BLTP1: variants seen among roughly 807,000 people sequenced by gnomAD.
BLTP1 encodes the protein fragile site-associated protein.
At chr4:122,302,328 T>C in the BLTP1 span, 3 of 801,396 alleles carry the variant, frequency 3.7e-6, no homozygotes, top group Non-Finnish European at 4.5e-6. Flanking sequence ...TTCGCTTTAT[T>C]GTGTTTCACA....
chr4:122,239,012 T>A, the BLTP1 span, among the ~76,000 whole-genome samples: 1 of 152,176 alleles, frequency 6.6e-6, no homozygotes, highest in Non-Finnish European at 1.5e-5. Flanking sequence ...TCTGCTTGGA[T>A]GTTTCATGGA....
chr4:122,227,370 A>G, the BLTP1 span: 1 of 985,402 alleles, frequency 1.0e-6, no homozygotes, highest in East Asian at 1.1e-4. Context: ...GGTAATCCCT[A>G]AAACCATGTG....
the BLTP1 span, chr4:122,353,198 GT>G: frequency 6.3e-7 from 1 of 1,596,606 alleles, no homozygotes. This position sits in a 1 kb window ranked among gnomAD's most constrained non-coding sequence, Gnocchi z 4.3. Flanking sequence ...CCTATCTTCT[GT>G]TATGACTATA....
the BLTP1 span, chr4:122,220,588 T>C: frequency 4.4e-5 from 36 of 815,832 alleles, no homozygotes; most frequent in Non-Finnish European, 3.0e-5. Context: ...TGGAGACTTT[T>C]AAGTTAACTG....
chr4:122,362,376 G>GTAAGT, the BLTP1 span: 1 of 727,122 alleles, frequency 1.4e-6, no homozygotes, highest in Non-Finnish European at 2.2e-6. Context: ...TTAAAAGTTT[G>GTAAGT]TAAGTTAACC....
chr4:122,281,873 A>G, the BLTP1 span: 99 of 1,332,284 alleles, frequency 7.4e-5, no homozygotes, highest in South Asian at 1.7e-3. Context: ...TATAGATATT[A>G]TAAGTAATTT....
chr4:122,208,603 T>A, the BLTP1 span: 5 of 977,514 alleles, frequency 5.1e-6, no homozygotes, highest in South Asian at 4.7e-5. Flanking sequence ...TTAAAAAAAA[T>A]ATCTGTGGAT....
At chr4:122,313,198 C>G in the BLTP1 span, among the ~76,000 whole-genome samples, 1 of 152,070 alleles carries the variant, frequency 6.6e-6, no homozygotes, top group Non-Finnish European at 1.5e-5. Flanking sequence ...TGTGTCTGAC[C>G]TAATGTGGCA....
At chr4:122,267,424 T>A in the BLTP1 span, among the ~76,000 whole-genome samples, 1 of 152,158 alleles carries the variant, frequency 6.6e-6, no homozygotes, top group Non-Finnish European at 1.5e-5. Context: ...TAGCCACATT[T>A]TCTTATTAAT....
chr4:122,300,861 C>T, the BLTP1 span: 1 of 924,870 alleles, frequency 1.1e-6, no homozygotes, highest in Admixed American at 6.4e-5. Flanking sequence ...GAAGTGGAAA[C>T]AGAAGTAAGA....
the BLTP1 span, among the ~76,000 whole-genome samples, chr4:122,160,907 C>T: frequency 6.6e-6 from 1 of 152,094 alleles, no homozygotes; most frequent in Admixed American, 6.5e-5. Flanking sequence ...GTTACATATG[C>T]GCAGAGACCA....
chr4:122,226,747 A>G, the BLTP1 span: 1 of 1,613,500 alleles, frequency 6.2e-7, no homozygotes, highest in South Asian at 1.1e-5. Context: ...TTTGTTTTTC[A>G]TGTGGTATGT....
the BLTP1 span, chr4:122,288,561 A>C: frequency 3.3e-5 from 5 of 152,210 alleles, 1 homozygote; most frequent in Admixed American, 2.6e-4. Flanking sequence ...CTGAGGCAGG[A>C]GAATCGCTTG....
chr4:122,339,183 C>G, the BLTP1 span: 4 of 1,604,946 alleles, frequency 2.5e-6, no homozygotes, highest in Non-Finnish European at 3.4e-6. Context: ...TTCCTAGAAA[C>G]CTTTTGCTGT....
At chr4:122,336,196 A>G in the BLTP1 span, 2 of 1,585,782 alleles carry the variant, frequency 1.3e-6, no homozygotes, top group Non-Finnish European at 1.7e-6. Flanking sequence ...TTCTAGCCAA[A>G]GGAAAAGGAA....
chr4:122,331,563 G>C, the BLTP1 span: 3 of 1,602,646 alleles, frequency 1.9e-6, no homozygotes, highest in Non-Finnish European at 1.7e-6. Flanking sequence ...ATTGGAAAAG[G>C]ATACATGAAA....
the BLTP1 span, chr4:122,254,859 C>T: frequency 1.2e-6 from 2 of 1,613,622 alleles, no homozygotes; most frequent in Non-Finnish European, 1.7e-6. Flanking sequence ...GGCTTGTTCC[C>T]ATTGACCAAC....
At chr4:122,199,756 G>A in the BLTP1 span, 270 of 237,026 alleles carry the variant, frequency 1.1e-3, no homozygotes, top group Non-Finnish European at 1.6e-3. Context: ...TCTCTTCTAA[G>A]TTCTAAGTAA....
the BLTP1 span, among the ~76,000 whole-genome samples, chr4:122,338,451 G>T: frequency 6.6e-6 from 1 of 152,050 alleles, no homozygotes; most frequent in African/African-American, 2.4e-5. Context: ...GTCCAGCCTG[G>T]ACAACAGAGT....
Sources: gnomAD v4.1 joint callset for allele counts (sites outside exome capture counted in the v4.1 genomes callset) on GRCh38, gnomAD v4.1.1 for gene constraint, Gnocchi (gnomAD v3.1) non-coding constraint, MANE v1.5 for transcripts, NCBI Gene and HGNC (gene_info 2026-07-23, HGNC 2026-07-21) for gene names.